CANX: variants seen among roughly 807,000 people sequenced by gnomAD.
CANX encodes epididymis secretory sperm binding protein.
CANX carries 14 observed loss-of-function variants against 75.7 expected under a neutral mutation model. That is an observed-to-expected ratio of 0.19 (90% confidence interval 0.12 to 0.29). The LOEUF (loss-of-function observed/expected upper bound fraction) is 0.29. CANX is among the 10% of genes least tolerant of loss of function. CANX has a pLI of 1.00. For synonymous variants in CANX, 227 were observed against 236.9 expected, an observed-to-expected ratio of 0.96 and a Z score of 0.38; for missense variants, 567 against 713.2, an observed-to-expected ratio of 0.79 and a Z score of 2.34.
rs1003455368 is a variant in CANX, at chr5:179,699,033, C to T, written c.-73C>T. ...CGGGCCGCCTCCGCCTCTCTCTTTA[C>T]TGCGGCGCGGGGCAAGGTGTGCGGG... On this transcript the variant is annotated 5_prime_UTR_variant, in exon 1 of 15. Coordinates refer to ENST00000247461, the MANE Select transcript of CANX (RefSeq NM_001746.4). The T allele has an allele frequency of 9.9e-6, 11 of 1,115,922 alleles. No homozygotes were observed. The African/African-American group carries it at 1.0e-4, about 11-fold the overall frequency. The allele number at this position is 1,115,922 out of a possible 1,614,324, so 69.1% of individuals were successfully genotyped here.
Position 179,726,673 on chromosome 5 carries a change from G to C in CANX, c.1646-7G>C. On this transcript the variant is annotated splice_region_variant and splice_polypyrimidine_tract_variant and intron_variant, in intron 13 of 14. Transcript: ENST00000247461. ...GGTTTTGCTCAGTTGTTTAACTTCT[G>C]TCTTAGAAGAGAAACAGAAAAGTGA... is the stretch of plus-strand genomic sequence containing the variant. 1 of 1,604,498 alleles carries C rather than the reference G, an allele frequency of 6.2e-7. No individual in the cohort carries two copies. Among genetic ancestry groups the C allele is most frequent in the Non-Finnish European group, 8.5e-7 (1 of 1,171,392 alleles).
chr5:179,694,717 A>C (rs1368022674), upstream of CANX: 5 of 683,978 alleles, frequency 7.3e-6, no homozygotes, highest in African/African-American at 8.8e-5. Flanking sequence ...GCCTGGAAAA[A>C]GGTGGAAGAG....
rs917517349 is a variant in CANX at position 179,679,254 on chromosome 5, C to T, written c.-4+477C>T. The T allele has an allele frequency of 3.0e-5, 46 of 1,525,044 alleles. No homozygotes were observed. Among genetic ancestry groups the T allele is most frequent in the East Asian group, 2.0e-4 (8 of 40,710 alleles). The allele number at this position is 1,525,044 out of a possible 1,614,324, so 94.5% of individuals were successfully genotyped here. On this transcript the variant is annotated intron_variant, in intron 1 of 14. Transcript: ENST00000681674. ...GATGTCCAGAATGATGAAGGCGAGC[C>T]AGGGGGCGCTGCTGGGAGACAAGAG... is the stretch of plus-strand genomic sequence containing the variant.
intron 1 of CANX, among the ~76,000 whole-genome samples, chr5:179,686,852 A>G (rs940695249): frequency 3.3e-5 from 5 of 152,108 alleles, no homozygotes; most frequent in Non-Finnish European, 7.4e-5. Context: ...GTCTCGGCCC[A>G]CTGCAACTTC....
chr5:179,710,578 G>A (rs900410741), intron 7 of CANX, among the ~76,000 whole-genome samples: 5 of 147,370 alleles, frequency 3.4e-5, no homozygotes, highest in African/African-American at 1.0e-4. Context: ...CGTGGTGGTG[G>A]GCACCTGTAG....
At chr5:179,702,518 G>C (rs1776842841) in intron 1 of CANX, among the ~76,000 whole-genome samples, 1 of 151,932 alleles carries the variant, frequency 6.6e-6, no homozygotes, top group African/African-American at 2.4e-5. Context: ...GCCGGTGATG[G>C]GATTTCCTTC....
In CANX at chr5:179,684,926, ATTTTTTTTTTTTT is replaced by A. The variant is rs71001039; in HGVS notation, c.-4+6167_-4+6179del. On this transcript the variant is annotated intron_variant, in intron 1 of 14. Transcript: ENST00000681674. ...TGCCACCACACCTGGCTAATTTTGT[ATTTTTTTTTTTTT>A]TTTTTTTTTTTTTTTTTACTAGAGA... Among the ~76,000 whole-genome samples, 81 of 49,150 alleles carry A rather than the reference ATTTTTTTTTTTTT, an allele frequency of 1.6e-3. 1 individual carries two copies. In the South Asian group the frequency reaches 0.018, roughly 11 times the overall value. The allele number at this position is 49,150 out of a possible 152,430, so 32.2% of individuals were successfully genotyped here. A position where few individuals can be genotyped will look rare whatever the true frequency, so the allele number is the denominator to read the frequency against.
At chr5:179,713,105 G>A (rs747134533) in intron 7 of CANX, among the ~76,000 whole-genome samples, 3 of 150,664 alleles carry the variant, frequency 2.0e-5, no homozygotes, top group African/African-American at 7.3e-5. Context: ...TTTTTGTGAC[G>A]GAGTCTTGCT....
chr5:179,708,297 G>A lies in CANX; in HGVS notation c.363G>A (p.Val121=), dbSNP rs1363642093. ...ESKLPGDKGL[V]LMSRAKHHAI... ...AGCTTCCAGGTGATAAAGGACTTGT[G>A]TTGATGTCTCGGGCCAAGCATCATG... is the stretch of plus-strand genomic sequence containing the variant. The change falls in exon 5 of 15, where the codon GTG becomes GTA. Residue 121 remains valine (V), a synonymous_variant. Coordinates refer to ENST00000247461, the MANE Select transcript of CANX (RefSeq NM_001746.4). The A allele has an allele frequency of 1.2e-6, 2 of 1,613,552 alleles. No homozygotes were observed. The highest frequency in any genetic ancestry group is 1.1e-5 in the South Asian group (1 of 91,076).
intron 14 of CANX, among the ~76,000 whole-genome samples, chr5:179,728,227 A>G (rs563156626): frequency 6.6e-6 from 1 of 152,224 alleles, no homozygotes; most frequent in Non-Finnish European, 1.5e-5. Context: ...ATAGCCTTCC[A>G]TCTTCATGAA....
At chr5:179,681,190 C>A (rs1368901224) in intron 1 of CANX, among the ~76,000 whole-genome samples, 1 of 152,158 alleles carries the variant, frequency 6.6e-6, no homozygotes, top group Non-Finnish European at 1.5e-5. Context: ...CATTGAGCAC[C>A]TACTGTGTTC....
At chr5:179,723,806 A>G (rs199992708) in intron 12 of CANX, 27 bp downstream of exon 12, 19 of 1,572,254 alleles carry the variant, frequency 1.2e-5, no homozygotes, top group Non-Finnish European at 1.5e-5. Context: ...TTTAGAATCA[A>G]TTTTAGAGAC....
chr5:179,714,961 C>T (rs1289522641), intron 7 of CANX, among the ~76,000 whole-genome samples: 1 of 152,036 alleles, frequency 6.6e-6, no homozygotes, highest in Non-Finnish European at 1.5e-5. Context: ...GACAGGGTTT[C>T]ACCATGTTGG....
At chr5:179,683,250 C>T (rs1776114289) in intron 1 of CANX, among the ~76,000 whole-genome samples, 1 of 152,208 alleles carries the variant, frequency 6.6e-6, no homozygotes, top group South Asian at 2.1e-4. Context: ...GCCTCAGCCT[C>T]TCAAGTAGCT....
Position 179,724,597 on chromosome 5 carries a change from G to C in CANX, c.1519-60G>C. The C allele has an allele frequency of 2.1e-6, 3 of 1,459,560 alleles. No homozygotes were observed. The South Asian group carries it at 3.5e-5, about 17-fold the overall frequency. The allele number at this position is 1,459,560 out of a possible 1,614,324, so 90.4% of individuals were successfully genotyped here. A position where few individuals can be genotyped will look rare whatever the true frequency, so the allele number is the denominator to read the frequency against. ...CAGAACTTTGCCTGTAGGCATTCAG[G>C]AATTATATAACATAATACATGAACA... On this transcript the variant is annotated intron_variant, in intron 12 of 14. Coordinates refer to ENST00000247461, the MANE Select transcript of CANX (RefSeq NM_001746.4).
At chr5:179,698,613 A>G (rs767566755), upstream of CANX, 19 of 1,285,812 alleles carry the variant, frequency 1.5e-5, no homozygotes, top group South Asian at 1.6e-4. Flanking sequence ...GGTGAGGGCT[A>G]CTGGGGGTTG....
chr5:179,721,007 C>G (rs992457130), intron 10 of CANX, among the ~76,000 whole-genome samples: 2 of 151,916 alleles, frequency 1.3e-5, no homozygotes, highest in African/African-American at 4.8e-5. Context: ...TGGTCTCGAA[C>G]TCCTGACCTC....
intron 12 of CANX, 124 bp downstream of exon 12, chr5:179,723,903 G>A (rs1220679889): frequency 1.2e-6 from 1 of 834,272 alleles, no homozygotes; most frequent in South Asian, 1.9e-5. Flanking sequence ...GCCATGTTTG[G>A]TGTTGACTTC....
Position 179,722,929 on chromosome 5 carries a change from C to T in CANX, c.1308C>T (p.Asp436=). 1.2e-6 allele frequency: 2 copies of T among 1,613,958 alleles called. No homozygotes were observed. Among genetic ancestry groups the T allele is most frequent in the Non-Finnish European group, 1.7e-6 (2 of 1,179,936 alleles). Residue 436 remains aspartate (D), a synonymous_variant, in exon 11 of 15, where the codon GAC becomes GAT. Transcript: ENST00000247461. ...LWSMTSDIFF[D]NFIICADRRI... is the part of the protein sequence containing the mutation. ...CCATGACCTCTGACATTTTTTTTGA[C>T]AACTTTATCATTTGTGCTGATCGAA...
Sources: gnomAD v4.1 joint callset for allele counts (sites outside exome capture counted in the v4.1 genomes callset) on GRCh38, gnomAD v4.1.1 for gene constraint, MANE v1.5 for transcripts, NCBI Gene and HGNC (gene_info 2026-07-23, HGNC 2026-07-21) for gene names.